The following CTNNA2 variants were observed in gnomAD, a reference collection of about 807,000 sequenced individuals.
CTNNA2 encodes catenin alpha-2.
A neutral mutation model predicts 101.0 loss-of-function variants in CTNNA2; 42 were observed. That is an observed-to-expected ratio of 0.42 (90% CI 0.32 to 0.54). The LOEUF is 0.54. Among genes scored for constraint, CTNNA2 ranks in the 20% least tolerant of loss-of-function variants. The pLI, the probability that CTNNA2 is intolerant of heterozygous loss-of-function variation, is 0.14. For synonymous variants in CTNNA2, 450 were observed against 456.4 expected (o/e 0.99, Z 0.18); for missense variants, 871 against 1,223.1 (o/e 0.71, Z 4.29).
intron 7 of CTNNA2, among the ~76,000 whole-genome samples, chr2:80,238,799 A>G (rs1319255313): frequency 1.3e-5 from 2 of 152,142 alleles, no homozygotes; most frequent in African/African-American, 4.8e-5. Context: ...TCAACACGGT[A>G]GAAACATCCG....
intron 7 of CTNNA2, among the ~76,000 whole-genome samples, chr2:80,194,065 G>T (rs115477482): frequency 0.01 from 1,552 of 152,186 alleles, 26 homozygotes; most frequent in African/African-American, 0.036. Context: ...TTAAATTAAG[G>T]TTATCTTTAG....
chr2:79,390,008 A>G (rs76475794), intron 4 of CTNNA2, among the ~76,000 whole-genome samples: 6,910 of 152,210 alleles, frequency 0.045, 520 homozygotes, highest in African/African-American at 0.16. Flanking sequence ...AGCCACCAGC[A>G]AAACCATTCT....
rs1025269143 is a variant in CTNNA2, at chr2:79,192,717, G to A, written c.-523-5242G>A. 4.6e-5 allele frequency among the ~76,000 whole-genome samples: 7 copies of A among 152,172 alleles called. 1 individual carries two copies. The highest frequency in any genetic ancestry group is 1.7e-4 in the African/African-American group (7 of 41,524). On this transcript the variant is annotated intron_variant, in intron 1 of 21. Transcript: ENST00000466387. ...TTAGTTGATGAATGACAGATGCTGTGCTTTTCTTTGTTCTGTGGGCCCCAA... is the reference window on the plus strand; with the variant it reads ...TTAGTTGATGAATGACAGATGCTGTACTTTTCTTTGTTCTGTGGGCCCCAA...
At chr2:80,153,728 A>G (rs1185763750) in intron 7 of CTNNA2, among the ~76,000 whole-genome samples, 1 of 152,198 alleles carries the variant, frequency 6.6e-6, no homozygotes, top group Admixed American at 6.5e-5. Context: ...CAACAACAAT[A>G]TTCAACAACA....
At chr2:80,400,102 A>G (rs1678419178) in intron 8 of CTNNA2, among the ~76,000 whole-genome samples, 1 of 152,206 alleles carries the variant, frequency 6.6e-6, no homozygotes, top group African/African-American at 2.4e-5. Flanking sequence ...AGAGCTGATG[A>G]TAACAGCTAA....
chr2:79,930,569 A>G (rs1687376122), intron 7 of CTNNA2, among the ~76,000 whole-genome samples: 1 of 152,156 alleles, frequency 6.6e-6, no homozygotes, highest in Non-Finnish European at 1.5e-5. Flanking sequence ...TCTGCAATGT[A>G]CTTTGAATCT....
At chr2:79,972,473 C>T (rs747507598) in intron 7 of CTNNA2, among the ~76,000 whole-genome samples, 9 of 152,094 alleles carry the variant, frequency 5.9e-5, no homozygotes, top group Non-Finnish European at 1.2e-4. Flanking sequence ...TATTCTAATT[C>T]GTGGTATGTG....
At chr2:79,348,214 T>C (rs919465611) in intron 3 of CTNNA2, among the ~76,000 whole-genome samples, 6 of 152,208 alleles carry the variant, frequency 3.9e-5, no homozygotes, top group African/African-American at 1.4e-4. Flanking sequence ...AAGGACTATA[T>C]TGTTCTATTG....
intron 7 of CTNNA2, chr2:80,313,534 G>A (rs756091288): frequency 6.2e-7 from 1 of 1,607,072 alleles, no homozygotes; most frequent in Admixed American, 1.7e-5. Flanking sequence ...AGCAAGACCA[G>A]GTAGAGGAAG....
chr2:79,350,835 T>C (rs1677370604), intron 3 of CTNNA2, among the ~76,000 whole-genome samples: 1 of 152,202 alleles, frequency 6.6e-6, no homozygotes, highest in Non-Finnish European at 1.5e-5. Flanking sequence ...TCATTCTGAC[T>C]AATGTGAAAT....
chr2:79,287,085 G>T (rs902613436), intron 2 of CTNNA2, among the ~76,000 whole-genome samples: 3 of 152,102 alleles, frequency 2.0e-5, no homozygotes, highest in African/African-American at 7.2e-5. Context: ...CGTAGTTCTC[G>T]AGCCTTGGTT....
chr2:79,965,070 T>C (rs1213925046), intron 7 of CTNNA2, among the ~76,000 whole-genome samples: 1 of 152,254 alleles, frequency 6.6e-6, no homozygotes, highest in Non-Finnish European at 1.5e-5. Context: ...GAAGCACTGT[T>C]AATTCCAAGA....
chr2:79,371,925 G>A (rs776324074), intron 3 of CTNNA2, among the ~76,000 whole-genome samples: 2 of 151,998 alleles, frequency 1.3e-5, no homozygotes, highest in African/African-American at 4.8e-5. Flanking sequence ...TTTAATCCCC[G>A]GTATAACTTG....
intron 1 of CTNNA2, among the ~76,000 whole-genome samples, chr2:79,594,102 T>A (rs1480896408): frequency 6.6e-6 from 1 of 152,074 alleles, no homozygotes; most frequent in African/African-American, 2.4e-5. Context: ...TTGGCCAGGC[T>A]GGTCTTGAAC....
chr2:79,999,235 ATCCT>A lies in CTNNA2; in HGVS notation c.1056+89439_1056+89442del, dbSNP rs559258199. 4.8e-3 allele frequency among the ~76,000 whole-genome samples: 727 copies of A among 152,278 alleles called. 5 individuals are homozygous for A. The highest frequency in any genetic ancestry group is 6.1e-3 in the Non-Finnish European group (417 of 68,022). On this transcript the variant is annotated intron_variant, in intron 7 of 18. Transcript: ENST00000402739. Reference sequence around the variant, plus strand: ...TTCAACCTTATTTCTTCTCCATACCATCCTGGTGCAGCCCTAAGGTGTCTTTACC... The same window carrying A: ...TTCAACCTTATTTCTTCTCCATACCAGGTGCAGCCCTAAGGTGTCTTTACC...
chr2:79,587,576 G>A (rs930115599), intron 1 of CTNNA2, among the ~76,000 whole-genome samples: 3 of 151,608 alleles, frequency 2.0e-5, no homozygotes, highest in African/African-American at 7.3e-5. Context: ...TGGCACTAAT[G>A]TCCACTCTTC....
At chr2:79,976,753 G>A (rs550516288) in intron 7 of CTNNA2, among the ~76,000 whole-genome samples, 10 of 152,282 alleles carry the variant, frequency 6.6e-5, no homozygotes, top group Non-Finnish European at 5.9e-5. Flanking sequence ...CTGTTTCCTT[G>A]GTGAAGGTGT....
In CTNNA2 at chr2:80,084,134, C is replaced by G. The variant is rs948195412; in HGVS notation, c.1056+174337C>G. 2.6e-5 allele frequency among the ~76,000 whole-genome samples: 4 copies of G among 152,042 alleles called. No individual in the cohort carries two copies. The South Asian group carries it at 8.3e-4, about 32-fold the overall frequency. On this transcript the variant is annotated intron_variant, in intron 7 of 18. Coordinates refer to ENST00000402739, the MANE Select transcript of CTNNA2 (RefSeq NM_001282597.3). The stretch of plus-strand genomic sequence containing the variant: ...ACAAGTTAAAAGTCTCTTTCTTTGC[C>G]CTTAATCTGTTGTTTGTAATGGGAT...
intron 7 of CTNNA2, among the ~76,000 whole-genome samples, chr2:80,376,030 C>T (rs550435611): frequency 1.8e-4 from 27 of 152,272 alleles, no homozygotes; most frequent in Admixed American, 5.9e-4. Flanking sequence ...GGATCCACCA[C>T]AGCACACAGA....
Sources: allele counts gnomAD v4.1 joint callset (sites outside exome capture counted in the v4.1 genomes callset), GRCh38; gene constraint gnomAD v4.1.1; transcripts MANE v1.5; gene names NCBI Gene and HGNC (gene_info 2026-07-23, HGNC 2026-07-21).